Variants in MED18 observed in about 807,000 individuals in gnomAD.
MED18 encodes mediator complex subunit 18, also known as mediator of RNA polymerase II transcription subunit 18.
In MED18, 10 loss-of-function variants were observed where a neutral mutation model predicts 13.9. The ratio of observed to expected loss-of-function variants is 0.72; its 90% CI spans 0.44 to 1.22. The LOEUF (loss-of-function observed/expected upper bound fraction) is 1.22. MED18 is among the 50% of genes most tolerant of loss of function. MED18 has a pLI of 0.00. For synonymous variants in MED18, 88 were observed against 93.2 expected (o/e 0.94, Z 0.32); for missense variants, 216 against 279.0 (o/e 0.77, Z 1.61).
At chr1:28,333,988 G>A (rs1429266923) in intron 2 of MED18, among the ~76,000 whole-genome samples, 1 of 152,202 alleles carries the variant, frequency 6.6e-6, no homozygotes, top group Admixed American at 6.5e-5. Flanking sequence ...GCTTGTGCCT[G>A]TAATCCCAAC....
Position 28,335,107 on chromosome 1 carries a change from T to A in MED18, c.*137T>A, listed in dbSNP as rs1188975704. On this transcript the variant is annotated 3_prime_UTR_variant, in exon 3 of 3. Transcript: ENST00000373842. ...CCCAGGCTGGAGTGCAGTGGCACGA[T>A]CTCGGCTCACTGCAACCTCTGCCTC... 7.4e-6 allele frequency: 6 copies of A among 808,292 alleles called. No homozygotes were observed. The East Asian group carries it at 1.4e-4, about 18-fold the overall frequency. 50.1% of individuals were successfully genotyped at this position (808,292 alleles called of 1,614,324 possible).
intron 2 of MED18, among the ~76,000 whole-genome samples, chr1:28,331,067 A>G (rs920999348): frequency 3.6e-4 from 54 of 151,482 alleles, no homozygotes; most frequent in Non-Finnish European, 2.4e-4. Flanking sequence ...GGTGGCGGGC[A>G]CCTGTAGTCC....
At chr1:28,331,746 CTGA>C (rs1378193177) in intron 2 of MED18, among the ~76,000 whole-genome samples, 1 of 151,712 alleles carries the variant, frequency 6.6e-6, no homozygotes, top group Non-Finnish European at 1.5e-5. Flanking sequence ...TCCTGTTTCT[CTGA>C]TTTTTTTTTT....
rs1193542828 is a variant in MED18, at chr1:28,334,668, G to T, written c.325G>T (p.Ala109Ser). The T allele has an allele frequency of 6.2e-7, 1 of 1,614,228 alleles. No individual in the cohort carries two copies. The highest frequency in any genetic ancestry group is 8.5e-7 in the Non-Finnish European group (1 of 1,180,040). ...HALVRNCVDI[A>S]TSENLTDFLM... Reference sequence around the variant, plus strand: ...CCTGGTGCGAAACTGCGTGGACATTGCCACATCTGAGAACCTCACCGACTT... The same window carrying T: ...CCTGGTGCGAAACTGCGTGGACATTTCCACATCTGAGAACCTCACCGACTT... The change falls in exon 3 of 3, where the codon GCC becomes TCC. Residue 109 changes from alanine (A) to serine (S), a missense_variant. Physicochemically the swap from Ala to Ser is moderately conservative, Grantham distance 99. Coordinates refer to ENST00000373842, the MANE Select transcript of MED18 (RefSeq NM_017638.3).
intron 2 of MED18, among the ~76,000 whole-genome samples, chr1:28,331,820 T>A (rs1649746033): frequency 6.6e-6 from 1 of 152,168 alleles, no homozygotes; most frequent in Non-Finnish European, 1.5e-5. Context: ...CTTGGCTTAC[T>A]GCAGCCTCTG....
In MED18 at chr1:28,334,948, T is replaced by C. The variant is rs1244529697; in HGVS notation, c.605T>C (p.Ile202Thr). Reference protein sequence around the residue: ...QLKPLVHLEKIDPKRLM With the variant: ...QLKPLVHLEKTDPKRLM Reference sequence around the variant, plus strand: ...AAACCTCTGGTTCACCTAGAGAAAATAGACCCCAAGAGGCTCATGTGACTA... The same window carrying C: ...AAACCTCTGGTTCACCTAGAGAAAACAGACCCCAAGAGGCTCATGTGACTA... The change falls in exon 3 of 3, where the codon ATA becomes ACA. Residue 202 changes from isoleucine (I) to threonine (T), a missense_variant. Transcript: ENST00000373842. The C allele has an allele frequency of 4.3e-6, 7 of 1,613,894 alleles. No individual in the cohort carries two copies. The highest frequency in any genetic ancestry group is 1.7e-5 in the Admixed American group (1 of 59,984).
In MED18 at chr1:28,334,741, GA is replaced by G; in HGVS notation, c.399del (p.His134IlefsTer8). 6.2e-7 allele frequency: 1 copy of G among 1,614,194 alleles called. No individual in the cohort carries two copies. The highest frequency in any genetic ancestry group is 8.5e-7 in the Non-Finnish European group (1 of 1,180,044). ...ATGGACCATGAGTTTGTTGCTAAGG[GA>G]CATTTGTTCCGTAAGGGCATCATGA... ...FRMDHEFVAK[G>X]HLFRKGIMKI... is the part of the protein sequence containing the mutation. On this transcript the variant is annotated frameshift_variant, in exon 3 of 3. Transcript: ENST00000373842. LOFTEE classifies it high-confidence loss of function.
Position 28,329,127 on chromosome 1 carries a change from G to A in MED18, c.-120G>A, listed in dbSNP as rs1649611284. The A allele has an allele frequency of 6.6e-6, 1 of 152,166 alleles. No individual in the cohort carries two copies. The highest frequency in any genetic ancestry group is 6.6e-5 in the Admixed American group (1 of 15,230). 9.4% of individuals were successfully genotyped at this position (152,166 alleles called of 1,614,324 possible). The stretch of plus-strand genomic sequence containing the variant: ...AATCGTCGCTCAAAAGCTCCTAGGT[G>A]CGCGGGTGGATATAATTCCCGGCTT... On this transcript the variant is annotated 5_prime_UTR_variant, in exon 1 of 3. Coordinates refer to ENST00000373842, the MANE Select transcript of MED18 (RefSeq NM_017638.3).
rs543210895 is a variant in MED18, at chr1:28,335,473, T to C, written c.*503T>C. On this transcript the variant is annotated 3_prime_UTR_variant, in exon 3 of 3. Transcript: ENST00000373842. ...GGCGATTTCACTTTCATGACAGCCT[T>C]TCTATATTAAAGGCTCAGGATGTCA... is the stretch of plus-strand genomic sequence containing the variant. 41 of 162,344 alleles carry C rather than the reference T, an allele frequency of 2.5e-4. No homozygotes were observed. In the South Asian group the frequency reaches 6.2e-3, roughly 24 times the overall value. The allele number at this position is 162,344 out of a possible 1,614,324, so 10.1% of individuals were successfully genotyped here. A position where few individuals can be genotyped will look rare whatever the true frequency, so the allele number is the denominator to read the frequency against.
At position 28,330,682 on chromosome 1, in the gene MED18, C is replaced by G; in HGVS notation, c.20C>G (p.Thr7Ser). Residue 7 changes from threonine to serine, a missense_variant, in exon 2 of 3, where the codon ACC (threonine) becomes AGC (serine). By Grantham distance (58) the Thr-to-Ser change is moderately conservative. Coordinates refer to ENST00000373842, the MANE Select transcript of MED18 (RefSeq NM_017638.3). ...GACACCATGGAGGCACCTCCAGTCA[C>G]CATGATGCCTGTCACTGGGGGCACC... MEAPPVTMMPVTGGTIN... is the reference protein window; with the variant it reads MEAPPVSMMPVTGGTIN... The G allele has an allele frequency of 6.2e-7, 1 of 1,606,590 alleles. No individual in the cohort carries two copies. The highest frequency in any genetic ancestry group is 8.5e-7 in the Non-Finnish European group (1 of 1,177,002).
At chr1:28,331,143 G>A (rs1009405217) in intron 2 of MED18, among the ~76,000 whole-genome samples, 10 of 150,556 alleles carry the variant, frequency 6.6e-5, no homozygotes, top group African/African-American at 2.4e-5. Context: ...GCAGTGAGCC[G>A]AGATCGCGCC....
chr1:28,329,756 A>G (rs1649645667), intron 1 of MED18, among the ~76,000 whole-genome samples: 1 of 152,124 alleles, frequency 6.6e-6, no homozygotes. Context: ...CAAAAAAGAA[A>G]AGCGTACGGG....
intron 1 of MED18, among the ~76,000 whole-genome samples, chr1:28,330,037 GATCACCTGAGT>G (rs1169724045): frequency 6.6e-6 from 1 of 151,894 alleles, no homozygotes; most frequent in Non-Finnish European, 1.5e-5. Context: ...TGGGAGGCCG[GATCACCTGAGT>G]ATCACCTGAG....
In MED18 at chr1:28,334,657, G is replaced by A; in HGVS notation, c.314G>A (p.Cys105Tyr). 6.2e-7 allele frequency: 1 copy of A among 1,614,218 alleles called. No homozygotes were observed. The highest frequency in any genetic ancestry group is 8.5e-7 in the Non-Finnish European group (1 of 1,180,038). Residue 105 changes from cysteine to tyrosine, a missense_variant, in exon 3 of 3, where the codon TGC becomes TAC. Cys to Tyr is a radical substitution (Grantham distance 194). Coordinates refer to ENST00000373842, the MANE Select transcript of MED18 (RefSeq NM_017638.3). ...DKNRHALVRN[C>Y]VDIATSENLT... The stretch of plus-strand genomic sequence containing the variant: ...AACCGCCATGCCCTGGTGCGAAACT[G>A]CGTGGACATTGCCACATCTGAGAAC...
chr1:28,334,106 C>A (rs1649840498), intron 2 of MED18, among the ~76,000 whole-genome samples: 1 of 152,100 alleles, frequency 6.6e-6, no homozygotes. Flanking sequence ...TTATTACATT[C>A]TAGATAGACA....
At chr1:28,334,296 T>C (rs1374131536) in intron 2 of MED18, 121 bp from the exon 3 acceptor site, 15 of 1,032,156 alleles carry the variant, frequency 1.5e-5, no homozygotes, top group Non-Finnish European at 2.1e-5. Context: ...TGTTTGGCTG[T>C]ATGTTTTATG....
intron 2 of MED18, among the ~76,000 whole-genome samples, chr1:28,333,788 A>C (rs1289593561): frequency 6.6e-6 from 1 of 152,216 alleles, no homozygotes; most frequent in Non-Finnish European, 1.5e-5. Context: ...TGAACCCAGG[A>C]GGTGGAGGTT....
chr1:28,329,577 C>A (rs1163223068), intron 1 of MED18, among the ~76,000 whole-genome samples: 1 of 152,084 alleles, frequency 6.6e-6, no homozygotes, highest in South Asian at 2.1e-4. Context: ...CGTGAGCCAC[C>A]GCGCCCGGCC....
At chr1:28,333,133 A>G (rs1166892560) in intron 2 of MED18, among the ~76,000 whole-genome samples, 1 of 152,202 alleles carries the variant, frequency 6.6e-6, no homozygotes, top group African/African-American at 2.4e-5. Context: ...TTGATATTGA[A>G]CATGTTAAGA....
Sources: allele counts gnomAD v4.1 joint callset (sites outside exome capture counted in the v4.1 genomes callset), GRCh38; gene constraint gnomAD v4.1.1; transcripts MANE v1.5; gene names NCBI Gene and HGNC (gene_info 2026-07-23, HGNC 2026-07-21).